SREBF2: variants seen among roughly 807,000 people sequenced by gnomAD.
SREBF2 encodes sterol regulatory element-binding protein 2.
A neutral mutation model predicts 113.1 loss-of-function variants in SREBF2; 55 were observed. That is an observed-to-expected ratio of 0.49 (90% CI 0.39 to 0.61). The LOEUF is 0.61. Ranked by LOEUF, SREBF2 falls within the 20% of genes least tolerant of loss-of-function variation. The pLI, the probability that SREBF2 is intolerant of heterozygous loss-of-function variation, is 0.00. For synonymous variants in SREBF2, 593 were observed against 605.7 expected (o/e 0.98, Z 0.31); for missense variants, 1,349 against 1,487.4 (o/e 0.91, Z 1.53).
At chr22:41,836,584 G>A (rs73163373) in intron 1 of SREBF2, among the ~76,000 whole-genome samples, 17,824 of 152,232 alleles carry the variant, frequency 0.12, 1,326 homozygotes, top group South Asian at 0.19. Flanking sequence ...AGAGACCTTC[G>A]TTTCATTCCC....
chr22:41,836,156 C>G (rs756473184), intron 1 of SREBF2, among the ~76,000 whole-genome samples: 1 of 152,052 alleles, frequency 6.6e-6, no homozygotes, highest in Non-Finnish European at 1.5e-5. Flanking sequence ...AGTTATATAC[C>G]GCACAAGGAA....
chr22:41,898,564 C>G, intron 14 of SREBF2, 85 bp from the exon 15 acceptor site: 1 of 1,583,158 alleles, frequency 6.3e-7, no homozygotes, highest in African/African-American at 1.3e-5. Flanking sequence ...TACCCATCTC[C>G]TAGGAAGGAA....
At chr22:41,863,091 C>T (rs531560610) in intron 1 of SREBF2, among the ~76,000 whole-genome samples, 6 of 152,158 alleles carry the variant, frequency 3.9e-5, no homozygotes, top group Admixed American at 1.3e-4. Flanking sequence ...CTGGAAGTAC[C>T]GCCAACATTG....
intron 18 of SREBF2, 124 bp downstream of exon 18, chr22:41,905,098 G>A (rs1416204461): frequency 8.3e-6 from 8 of 964,952 alleles, no homozygotes; most frequent in African/African-American, 1.6e-5. Flanking sequence ...TCGCCTCTCT[G>A]AGAATGAAAG....
chr22:41,885,006 C>G lies in SREBF2; in HGVS notation c.2203C>G (p.Leu735Val), dbSNP rs1284548799. 2 of 1,614,022 alleles carry G rather than the reference C, an allele frequency of 1.2e-6. No homozygotes were observed. The highest frequency in any genetic ancestry group is 1.7e-6 in the Non-Finnish European group (2 of 1,180,020). Residue 735 changes from leucine (L) to valine (V), a missense_variant, in exon 11 of 19, where the codon CTG becomes GTG. Coordinates refer to ENST00000361204, the MANE Select transcript of SREBF2 (RefSeq NM_004599.4). ...CCGGTGTGGAGGCAAGCTGGGCTTC[C>G]TGGCCGTGAGTACCCTTCGGTTCCC... ...KTRCGGKLGF[L>V]ASYFLSRAQS...
At position 41,904,976 on chromosome 22, in the gene SREBF2, T is replaced by C. The variant is rs1323898371; in HGVS notation, c.3205+2T>C. 4 of 1,587,134 alleles carry C rather than the reference T, an allele frequency of 2.5e-6. No homozygotes were observed. Among genetic ancestry groups the C allele is most frequent in the Non-Finnish European group, 3.4e-6 (4 of 1,172,008 alleles). On this transcript the variant is annotated splice_donor_variant, in intron 18 of 18. Transcript: ENST00000361204. LOFTEE classifies it high-confidence loss of function. ...GCACCACGCAGAGCACCAAGCACGG[T>C]GAGTCCACCCCTCCCCAGCTCACAG...
chr22:41,889,137 G>A (rs1030481612), intron 11 of SREBF2, among the ~76,000 whole-genome samples: 3 of 152,206 alleles, frequency 2.0e-5, no homozygotes, highest in Admixed American at 2.0e-4. Context: ...TCTGGTTTTC[G>A]TTTTTTGAAA....
chr22:41,898,334 T>C (rs12166862), intron 14 of SREBF2, among the ~76,000 whole-genome samples: 6,685 of 152,232 alleles, frequency 0.044, 495 homozygotes, highest in African/African-American at 0.15. Context: ...GCCAGGCTGG[T>C]CTCAAACTCC....
rs748153424 is a variant in SREBF2, at chr22:41,897,173, CG to C, written c.2605+15del. 3.7e-4 allele frequency: 585 copies of C among 1,589,806 alleles called. No homozygotes were observed. Among genetic ancestry groups the C allele is most frequent in the Non-Finnish European group, 4.8e-4 (563 of 1,161,982 alleles). On this transcript the variant is annotated intron_variant, in intron 14 of 18. Coordinates refer to ENST00000361204, the MANE Select transcript of SREBF2 (RefSeq NM_004599.4). ...CAAGTCCGCCCTGGGTAAGCACCTG[CG>C]GGTGGCCCACAGTCTCAGGGTGCTC...
chr22:41,885,680 G>A (rs937951972), intron 11 of SREBF2: 3 of 158,854 alleles, frequency 1.9e-5, no homozygotes, highest in African/African-American at 7.2e-5. Context: ...GCTGACCTCA[G>A]GCTTTCTCTT....
chr22:41,833,362 A>AGTG lies in SREBF2; in HGVS notation c.88+9_88+11dup, dbSNP rs755476597. On this transcript the variant is annotated splice_donor_region_variant and intron_variant, in intron 1 of 18. Transcript: ENST00000361204. This position sits in a 1 kb window ranked among gnomAD's most constrained non-coding sequence, Gnocchi z 4.1. ...CTGACCCTGGGAGACATCGACGGTGAGTGGTGGGTGGGTGGGAGTGCGGGG... is the reference window on the plus strand; with the variant it reads ...CTGACCCTGGGAGACATCGACGGTGAGTGGTGGTGGGTGGGTGGGAGTGCGGGG... The AGTG allele has an allele frequency of 2.8e-6, 1 of 360,932 alleles. No homozygotes were observed. The highest frequency in any genetic ancestry group is 1.8e-5 in the South Asian group (1 of 55,780). 22.4% of individuals were successfully genotyped at this position (360,932 alleles called of 1,614,324 possible).
intron 9 of SREBF2, chr22:41,878,559 A>C (rs1051205904): frequency 1.3e-6 from 1 of 749,046 alleles, no homozygotes; most frequent in Non-Finnish European, 2.0e-6. Flanking sequence ...GAGGGCTTTC[A>C]CTAGGAACTG....
intron 1 of SREBF2, among the ~76,000 whole-genome samples, chr22:41,839,712 T>A (rs1162280023): frequency 1.3e-5 from 2 of 152,340 alleles, no homozygotes; most frequent in Non-Finnish European, 2.9e-5. Flanking sequence ...AGGTTCATCA[T>A]GTTGCAGTGT....
intron 9 of SREBF2, chr22:41,878,771 C>T: frequency 7.7e-7 from 1 of 1,294,574 alleles, no homozygotes; most frequent in South Asian, 1.2e-5. Context: ...GAGCCATGGG[C>T]CTGCCCTCCC....
At chr22:41,839,752 C>T (rs2076810074) in intron 1 of SREBF2, among the ~76,000 whole-genome samples, 2 of 152,144 alleles carry the variant, frequency 1.3e-5, no homozygotes, top group African/African-American at 4.8e-5. Flanking sequence ...ACACCGCATT[C>T]TGTTTTATCT....
At chr22:41,859,621 T>C (rs563873951) in intron 1 of SREBF2, among the ~76,000 whole-genome samples, 1 of 151,056 alleles carries the variant, frequency 6.6e-6, no homozygotes, top group East Asian at 1.9e-4. Context: ...AAAAACCCAC[T>C]ATGAATAATG....
At chr22:41,872,077 C>T (rs1429006608) in intron 4 of SREBF2, among the ~76,000 whole-genome samples, 2 of 151,730 alleles carry the variant, frequency 1.3e-5, no homozygotes, top group Non-Finnish European at 1.5e-5. Flanking sequence ...GGTGAAACCC[C>T]GTCTCTGCTA....
At chr22:41,862,877 T>C (rs2077039490) in intron 1 of SREBF2, among the ~76,000 whole-genome samples, 1 of 152,246 alleles carries the variant, frequency 6.6e-6, no homozygotes, top group Admixed American at 6.5e-5. Context: ...TGGAGCTTTT[T>C]GTGTGTGGGT....
In SREBF2 at chr22:41,893,298, T is replaced by TGGAGCCATTCAGAATTGGAG; in HGVS notation, c.2377+14_2377+33dup. On this transcript the variant is annotated intron_variant, in intron 12 of 18. Transcript: ENST00000361204. ...CAGAGGAACCCAGGTGAGAATACCT[T>TGGAGCCATTCAGAATTGGAG]GGAGCCATTCAGAATTGGAGAAAGC... 6.2e-7 allele frequency: 1 copy of TGGAGCCATTCAGAATTGGAG among 1,614,036 alleles called. No individual in the cohort carries two copies. The highest frequency in any genetic ancestry group is 1.1e-5 in the South Asian group (1 of 91,058).
Sources: gnomAD v4.1 joint callset for allele counts (sites outside exome capture counted in the v4.1 genomes callset) on GRCh38, gnomAD v4.1.1 for gene constraint, Gnocchi (gnomAD v3.1) non-coding constraint, MANE v1.5 for transcripts, NCBI Gene and HGNC (gene_info 2026-07-23, HGNC 2026-07-21) for gene names.